The following MAPKAP1 variants were observed in gnomAD, a reference collection of about 807,000 sequenced individuals.
The protein encoded by MAPKAP1 is target of rapamycin complex 2 subunit MAPKAP1.
A neutral mutation model predicts 65.7 loss-of-function variants in MAPKAP1; 20 were observed. That is an observed-to-expected ratio of 0.30 (90% confidence interval 0.21 to 0.44). The LOEUF is 0.44. Among genes scored for constraint, MAPKAP1 ranks in the 20% least tolerant of loss-of-function variants. The pLI is 1.00. For synonymous variants in MAPKAP1, 222 were observed against 244.3 expected, an observed-to-expected ratio of 0.91 and a Z score of 0.85; for missense variants, 423 against 648.0, an observed-to-expected ratio of 0.65 and a Z score of 3.77.
At chr9:125,652,360 T>A in intron 4 of MAPKAP1, 1 of 737,422 alleles carries the variant, frequency 1.4e-6, no homozygotes, top group South Asian at 4.3e-5. Context: ...GCATTCATAT[T>A]AATTTTCACT....
At chr9:125,663,236 A>C (rs1278449110) in intron 3 of MAPKAP1, among the ~76,000 whole-genome samples, 1 of 152,148 alleles carries the variant, frequency 6.6e-6, no homozygotes, top group Non-Finnish European at 1.5e-5. Context: ...CTGTGCTCTA[A>C]CCAACAGGCA....
chr9:125,464,598 A>G (rs1853613751), intron 10 of MAPKAP1, among the ~76,000 whole-genome samples: 5 of 152,212 alleles, frequency 3.3e-5, no homozygotes, highest in Admixed American at 3.3e-4. Context: ...TTAGCCATTA[A>G]GTTCAAGTCC....
chr9:125,554,210 T>G (rs1010875793), intron 6 of MAPKAP1, among the ~76,000 whole-genome samples: 1 of 152,122 alleles, frequency 6.6e-6, no homozygotes, highest in East Asian at 1.9e-4. Context: ...CAGAATTCAG[T>G]GGGCACAAAG....
chr9:125,703,779 A>C (rs1176960099), intron 1 of MAPKAP1, among the ~76,000 whole-genome samples: 4 of 148,722 alleles, frequency 2.7e-5, no homozygotes, highest in African/African-American at 9.8e-5. Context: ...CAAAAAAAAA[A>C]AAAAAAACAA....
At chr9:125,674,546 T>C (rs1174527518) in intron 1 of MAPKAP1, among the ~76,000 whole-genome samples, 2 of 152,242 alleles carry the variant, frequency 1.3e-5, no homozygotes, top group Non-Finnish European at 2.9e-5. Context: ...GATTTTCTTG[T>C]AATCTGTTTC....
chr9:125,631,576 A>AT (rs768806584), intron 4 of MAPKAP1, among the ~76,000 whole-genome samples: 78 of 152,292 alleles, frequency 5.1e-4, no homozygotes, highest in Non-Finnish European at 9.9e-4. Flanking sequence ...ACCACACTAA[A>AT]TTCCCTACTT....
At chr9:125,554,941 C>A (rs534523584) in intron 6 of MAPKAP1, among the ~76,000 whole-genome samples, 1 of 151,716 alleles carries the variant, frequency 6.6e-6, no homozygotes, top group African/African-American at 2.4e-5. Flanking sequence ...GGATGTTAAT[C>A]GTGATGTCTC....
At chr9:125,500,093 TG>T (rs1471958338) in intron 8 of MAPKAP1, among the ~76,000 whole-genome samples, 32 of 152,256 alleles carry the variant, frequency 2.1e-4, no homozygotes, top group African/African-American at 7.7e-4. Flanking sequence ...AGTATTAATG[TG>T]GAAGAATCTC....
chr9:125,499,294 T>G (rs1227936329), intron 8 of MAPKAP1, among the ~76,000 whole-genome samples: 1 of 152,258 alleles, frequency 6.6e-6, no homozygotes, highest in Non-Finnish European at 1.5e-5. Context: ...TTGGAATGTT[T>G]TTCTTTGCCT....
In MAPKAP1 at chr9:125,506,282, C is replaced by T. The variant is rs1421632798; in HGVS notation, c.1066+28G>A. 6.3e-6 allele frequency: 10 copies of T among 1,576,784 alleles called. No homozygotes were observed. The East Asian group carries it at 6.7e-5, about 11-fold the overall frequency. On this transcript the variant is annotated intron_variant, in intron 8 of 11. Coordinates refer to ENST00000265960, the MANE Select transcript of MAPKAP1 (RefSeq NM_001006617.3). ...CTAAGCAAGTTTGCAACGGACAAAG[C>T]GGGCATGGAGCGAGGCGGCCAACGT...
intron 10 of MAPKAP1, among the ~76,000 whole-genome samples, chr9:125,455,036 T>TAA (rs919279533): frequency 2.1e-5 from 3 of 146,048 alleles, no homozygotes; most frequent in African/African-American, 7.6e-5. Context: ...TAATAATAAT[T>TAA]AAAAAAAAAA....
chr9:125,461,723 G>C (rs1853503303), intron 10 of MAPKAP1, among the ~76,000 whole-genome samples: 2 of 152,198 alleles, frequency 1.3e-5, no homozygotes, highest in African/African-American at 4.8e-5. Context: ...AGTACTTACT[G>C]TATTTGATCT....
chr9:125,589,719 T>C (rs1017546808), intron 4 of MAPKAP1, among the ~76,000 whole-genome samples: 1 of 152,234 alleles, frequency 6.6e-6, no homozygotes, highest in African/African-American at 2.4e-5. Flanking sequence ...CAACCCAGCA[T>C]CCATCATTAG....
intron 7 of MAPKAP1, among the ~76,000 whole-genome samples, chr9:125,516,035 A>C (rs1188457894): frequency 2.0e-5 from 3 of 152,242 alleles, no homozygotes; most frequent in Admixed American, 1.3e-4. Flanking sequence ...AAGCTACTGT[A>C]GCTAAAAATA....
chr9:125,624,452 G>T (rs1467982768), intron 4 of MAPKAP1, among the ~76,000 whole-genome samples: 1 of 108,214 alleles, frequency 9.2e-6, no homozygotes, highest in African/African-American at 3.5e-5. Context: ...CAGCCCCCAC[G>T]CCCGGCCAGC....
chr9:125,468,021 G>C lies in MAPKAP1; in HGVS notation c.1296C>G (p.Ile432Met), dbSNP rs760944389. The change falls in exon 10 of 12, where the codon ATC becomes ATG. Residue 432 changes from isoleucine (I) to methionine (M), a missense_variant. Physicochemically the swap from Ile to Met is conservative, Grantham distance 10. Transcript: ENST00000265960. Reference sequence around the variant, plus strand: ...CACAGGCACAGAGCAGGTCGGAATCGATTGAGATGGGTTTCTGCTTAATCC... The same window carrying C: ...CACAGGCACAGAGCAGGTCGGAATCCATTGAGATGGGTTTCTGCTTAATCC... ...KFWIKQKPISIDSDLLCACDL... is the reference protein window; with the variant it reads ...KFWIKQKPISMDSDLLCACDL... 3.7e-6 allele frequency: 6 copies of C among 1,614,070 alleles called. No individual in the cohort carries two copies. Among genetic ancestry groups the C allele is most frequent in the Non-Finnish European group, 4.2e-6 (5 of 1,180,020 alleles).
intron 4 of MAPKAP1, among the ~76,000 whole-genome samples, chr9:125,620,328 G>T (rs1034383504): frequency 6.6e-6 from 1 of 152,070 alleles, no homozygotes; most frequent in African/African-American, 2.4e-5. Flanking sequence ...ATTTTTTATT[G>T]ATTAGACTGG....
chr9:125,567,670 T>C (rs1451028461), intron 5 of MAPKAP1: 1 of 152,258 alleles, frequency 6.6e-6, no homozygotes, highest in African/African-American at 2.4e-5. Context: ...CCCTGAATTC[T>C]TTCTTGCGTG....
At chr9:125,668,814 C>A (rs1056118559) in intron 3 of MAPKAP1, among the ~76,000 whole-genome samples, 3 of 152,194 alleles carry the variant, frequency 2.0e-5, no homozygotes, top group Non-Finnish European at 4.4e-5. Context: ...AAGACTGTTA[C>A]TAGGCCCACT....
Sources: allele counts gnomAD v4.1 joint callset (sites outside exome capture counted in the v4.1 genomes callset), GRCh38; gene constraint gnomAD v4.1.1; transcripts MANE v1.5; gene names NCBI Gene and HGNC (gene_info 2026-07-23, HGNC 2026-07-21).